Variants in PTPRD observed in about 807,000 individuals in gnomAD.
PTPRD encodes receptor-type tyrosine-protein phosphatase delta.
PTPRD carries 34 observed loss-of-function variants against 214.5 expected under a neutral mutation model. The ratio of observed to expected loss-of-function variants is 0.16; its 90% confidence interval spans 0.12 to 0.21. The LOEUF (loss-of-function observed/expected upper bound fraction) is 0.21. PTPRD is among the 10% of genes least tolerant of loss of function. The pLI, the probability that PTPRD is intolerant of heterozygous loss-of-function variation, is 1.00. For missense variants in PTPRD, 2,545 were observed against 2,398.7 expected (o/e 1.06, Z -1.27); for synonymous variants, 1,128 against 845.7 (o/e 1.33, Z -5.79).
intron 4 of PTPRD, among the ~76,000 whole-genome samples, chr9:9,978,591 A>C (rs959490822): frequency 5.9e-5 from 9 of 152,110 alleles, no homozygotes; most frequent in African/African-American, 2.2e-4. Context: ...GACTATTATG[A>C]ATGTCCTTCA....
At chr9:10,402,944 C>T (rs1055362284) in intron 2 of PTPRD, among the ~76,000 whole-genome samples, 5 of 151,266 alleles carry the variant, frequency 3.3e-5, no homozygotes, top group Admixed American at 2.0e-4. Flanking sequence ...GTGCTTCTTT[C>T]GCTTTTCACC....
At chr9:8,783,403 T>C (rs1555333218) in intron 11 of PTPRD, among the ~76,000 whole-genome samples, 1 of 152,234 alleles carries the variant, frequency 6.6e-6, no homozygotes, top group Non-Finnish European at 1.5e-5. Context: ...TATGAAGTCA[T>C]TACGGTTTAT....
intron 5 of PTPRD, among the ~76,000 whole-genome samples, chr9:9,839,042 G>A (rs889311911): frequency 1.3e-5 from 2 of 152,204 alleles, no homozygotes; most frequent in Admixed American, 1.3e-4. Context: ...CCCATTGCTT[G>A]TTTTTGTCAG....
intron 9 of PTPRD, among the ~76,000 whole-genome samples, chr9:9,333,724 A>G (rs780883382): frequency 1.3e-5 from 2 of 151,708 alleles, no homozygotes; most frequent in Non-Finnish European, 2.9e-5. Context: ...CTCCAATATT[A>G]ACCAATAATT....
intron 10 of PTPRD, among the ~76,000 whole-genome samples, chr9:9,058,113 G>C (rs924099921): frequency 2.6e-5 from 4 of 152,148 alleles, no homozygotes; most frequent in Non-Finnish European, 5.9e-5. Context: ...TGTTTGGAAA[G>C]AGAAGTCTTC....
chr9:8,404,115 A>T (rs2092724457), intron 36 of PTPRD, among the ~76,000 whole-genome samples: 1 of 152,104 alleles, frequency 6.6e-6, no homozygotes, highest in African/African-American at 2.4e-5. Context: ...CTATGTTTGA[A>T]TCTTAATTAC....
chr9:9,828,878 A>T (rs1396964476), intron 5 of PTPRD, among the ~76,000 whole-genome samples: 1 of 151,964 alleles, frequency 6.6e-6, no homozygotes, highest in African/African-American at 2.4e-5. Context: ...GCTCACTTCC[A>T]TTTAACTCTA....
At chr9:8,611,205 T>C (rs1478133402) in intron 14 of PTPRD, among the ~76,000 whole-genome samples, 1 of 152,206 alleles carries the variant, frequency 6.6e-6, no homozygotes, top group African/African-American at 2.4e-5. Flanking sequence ...AAAAAGCTGA[T>C]TGTTCATTTG....
intron 39 of PTPRD, among the ~76,000 whole-genome samples, chr9:8,342,785 C>T (rs78976850): frequency 0.033 from 5,010 of 152,170 alleles, 111 homozygotes; most frequent in Non-Finnish European, 0.05. Context: ...GACTTAGATG[C>T]TATCTCTAAA....
intron 5 of PTPRD, among the ~76,000 whole-genome samples, chr9:9,839,943 G>A (rs149055366): frequency 6.6e-6 from 1 of 151,938 alleles, no homozygotes; most frequent in South Asian, 2.1e-4. Context: ...TTGAAAATTT[G>A]TATATATAAA....
intron 11 of PTPRD, among the ~76,000 whole-genome samples, chr9:9,001,542 T>C (rs1300381592): frequency 6.6e-6 from 1 of 151,932 alleles, no homozygotes; most frequent in African/African-American, 2.4e-5. Flanking sequence ...CTTCTTTAGG[T>C]TCAATACTTA....
rs936718341 is a variant in PTPRD at position 8,823,135 on chromosome 9, C to T, written c.-103-89189G>A. ...TGAAGCCCTCTTCTCTCCCGGTATT[C>T]TACTCTACTTTAATATCCTAGTTTT... is the stretch of plus-strand genomic sequence containing the variant. On this transcript the variant is annotated intron_variant, in intron 11 of 45. Transcript: ENST00000381196. 3.3e-5 allele frequency among the ~76,000 whole-genome samples: 5 copies of T among 152,210 alleles called. No individual in the cohort carries two copies. In the East Asian group the frequency reaches 5.8e-4, roughly 18 times the overall value.
At chr9:9,011,022 G>T (rs898515978) in intron 11 of PTPRD, among the ~76,000 whole-genome samples, 1 of 152,096 alleles carries the variant, frequency 6.6e-6, no homozygotes, top group Non-Finnish European at 1.5e-5. Flanking sequence ...TTCATATGTA[G>T]CATGCTCATA....
rs2138567508 is a variant in PTPRD at position 8,518,290 on chromosome 9, G to A, written c.1101C>T (p.Tyr367=). 1 of 1,614,104 alleles carries A rather than the reference G, an allele frequency of 6.2e-7. No individual in the cohort carries two copies. The highest frequency in any genetic ancestry group is 1.3e-5 in the African/African-American group (1 of 75,024). Residue 367 remains tyrosine (Y), a synonymous_variant, in exon 21 of 46, where the codon TAC becomes TAT. Transcript: ENST00000381196. ...QHKPKNSEEL[Y]KEIDGVATTR... ...TGGTCGCCACCCCATCAATTTCTTT[G>A]TAAAGTTCCTCAGAGTTTTTAGGTT... is the stretch of plus-strand genomic sequence containing the variant.
intron 4 of PTPRD, among the ~76,000 whole-genome samples, chr9:10,004,856 G>C (rs1235145959): frequency 1.3e-5 from 2 of 152,112 alleles, no homozygotes. Flanking sequence ...CTGTTTAAAA[G>C]CAGATCAGGG....
At chr9:10,014,962 C>G (rs2096672611) in intron 4 of PTPRD, among the ~76,000 whole-genome samples, 1 of 151,970 alleles carries the variant, frequency 6.6e-6, no homozygotes, top group African/African-American at 2.4e-5. Flanking sequence ...ATTAAAATGT[C>G]TTCAATATAT....
At chr9:8,468,940 G>A (rs376109825) in intron 31 of PTPRD, among the ~76,000 whole-genome samples, 7 of 151,814 alleles carry the variant, frequency 4.6e-5, no homozygotes, top group African/African-American at 1.7e-4. Flanking sequence ...ATATATCAAG[G>A]GCTTTAGTTC....
chr9:9,483,829 TTC>T (rs1395891709), intron 8 of PTPRD, among the ~76,000 whole-genome samples: 8 of 151,722 alleles, frequency 5.3e-5, no homozygotes, highest in African/African-American at 1.7e-4. Flanking sequence ...TGAAAATTCG[TTC>T]TCTGTTTGGA....
chr9:9,732,912 C>CAA lies in PTPRD; in HGVS notation c.-287+1619_-287+1620dup, dbSNP rs112644963. Among the ~76,000 whole-genome samples, 323 of 148,098 alleles carry CAA rather than the reference C, an allele frequency of 2.2e-3. 2 individuals are homozygous for CAA. The highest frequency in any genetic ancestry group is 6.6e-3 in the African/African-American group (268 of 40,654). On this transcript the variant is annotated intron_variant, in intron 7 of 45. Coordinates refer to ENST00000381196, the MANE Select transcript of PTPRD (RefSeq NM_002839.4). Reference sequence around the variant, plus strand: ...GGGCAACACAGTGAAACCTTGTTTCCAAAAAAAAAAATTACTAAGAAAAAA... The same window carrying CAA: ...GGGCAACACAGTGAAACCTTGTTTCCAAAAAAAAAAAAATTACTAAGAAAAAA...
Sources: allele counts gnomAD v4.1 joint callset (sites outside exome capture counted in the v4.1 genomes callset), GRCh38; gene constraint gnomAD v4.1.1; transcripts MANE v1.5; gene names NCBI Gene and HGNC (gene_info 2026-07-23, HGNC 2026-07-21).